Variants in GABRA2 observed in about 807,000 individuals in gnomAD.
The protein encoded by GABRA2 is gamma-aminobutyric acid receptor subunit alpha-2.
Under a neutral mutation model 48.7 loss-of-function variants are expected in GABRA2, and 16 were observed. The observed-to-expected ratio is 0.33, with a 90% CI of 0.22 to 0.50. GABRA2 has a LOEUF of 0.50. GABRA2 is among the 20% of genes least tolerant of loss of function. The probability of loss-of-function intolerance (pLI) is 0.98; values close to 1 mark genes in which losing one functional copy is unlikely to be tolerated. For missense variants in GABRA2, 275 were observed against 535.6 expected, an observed-to-expected ratio of 0.51 and a Z score of 4.80; for synonymous variants, 185 against 184.5, an observed-to-expected ratio of 1.00 and a Z score of -0.02.
At chr4:46,378,174 G>A (rs1716213924) in intron 3 of GABRA2, among the ~76,000 whole-genome samples, 2 of 152,072 alleles carry the variant, frequency 1.3e-5, no homozygotes, top group Non-Finnish European at 1.5e-5. Flanking sequence ...ACAGCTCATT[G>A]AGAACGGGCC....
intron 8 of GABRA2, among the ~76,000 whole-genome samples, chr4:46,283,637 G>A (rs1441134719): frequency 2.0e-5 from 3 of 152,206 alleles, no homozygotes; most frequent in African/African-American, 7.2e-5. Flanking sequence ...TATAAAAGAA[G>A]TAGCTAATGT....
chr4:46,290,761 G>T (rs1333933828), intron 8 of GABRA2, among the ~76,000 whole-genome samples: 1 of 152,114 alleles, frequency 6.6e-6, no homozygotes, highest in Non-Finnish European at 1.5e-5. Flanking sequence ...TGGGAGAGAA[G>T]TGACCTTTCA....
intron 6 of GABRA2, among the ~76,000 whole-genome samples, chr4:46,306,198 AAAGT>A (rs1357307303): frequency 3.3e-5 from 5 of 152,262 alleles, no homozygotes; most frequent in Admixed American, 3.3e-4. Context: ...ATTAGAATAA[AAAGT>A]AATTATTATA....
intron 3 of GABRA2, among the ~76,000 whole-genome samples, chr4:46,349,753 T>A (rs1055661042): frequency 1.6e-4 from 25 of 152,074 alleles, no homozygotes; most frequent in African/African-American, 5.8e-4. Flanking sequence ...TTGGTGATAG[T>A]ATCACTTTCT....
intron 5 of GABRA2, among the ~76,000 whole-genome samples, chr4:46,311,935 C>A (rs530434618): frequency 2.6e-5 from 4 of 152,074 alleles, no homozygotes; most frequent in East Asian, 1.9e-4. Context: ...ACCGTCTCTA[C>A]TAAAAATACA....
intron 4 of GABRA2, among the ~76,000 whole-genome samples, chr4:46,314,096 A>G (rs1728145186): frequency 6.6e-6 from 1 of 152,054 alleles, no homozygotes; most frequent in East Asian, 1.9e-4. Context: ...ACTATCATCT[A>G]GTTATCTTTT....
At chr4:46,342,615 G>T (rs1013703154) in intron 3 of GABRA2, among the ~76,000 whole-genome samples, 1 of 151,940 alleles carries the variant, frequency 6.6e-6, no homozygotes, top group African/African-American at 2.4e-5. Flanking sequence ...CGAGGCCCTT[G>T]TCACAGAAGC....
At chr4:46,317,974 G>A (rs279851) in intron 4 of GABRA2, among the ~76,000 whole-genome samples, 71,808 of 151,100 alleles carry the variant, frequency 0.48, 17,627 homozygotes, top group African/African-American at 0.59. Flanking sequence ...GACAAATACC[G>A]AAAGTTGATG....
chr4:46,256,397 AT>A (rs1715840924), intron 9 of GABRA2: 1 of 558,642 alleles, frequency 1.8e-6, no homozygotes, highest in African/African-American at 1.9e-5. Flanking sequence ...TCAATATGAA[AT>A]CCATTATTGC....
At chr4:46,385,589 T>C (rs1717338144) in intron 3 of GABRA2, among the ~76,000 whole-genome samples, 1 of 152,104 alleles carries the variant, frequency 6.6e-6, no homozygotes, top group South Asian at 2.1e-4. Flanking sequence ...TCTAGAAATA[T>C]CACATGCAAG....
chr4:46,332,082 A>C (rs1395977285), intron 4 of GABRA2, among the ~76,000 whole-genome samples: 2 of 152,156 alleles, frequency 1.3e-5, no homozygotes, highest in African/African-American at 4.8e-5. Flanking sequence ...GAGTACCAAC[A>C]TTCTAATTTT....
At chr4:46,390,212 C>CA (rs1328168992), upstream of GABRA2, 86 of 128,686 alleles carry the variant, frequency 6.7e-4, no homozygotes, top group South Asian at 7.0e-3. Flanking sequence ...TCCCCCCCCC[C>CA]CACACACACA....
chr4:46,376,443 G>A (rs982373119), intron 3 of GABRA2, among the ~76,000 whole-genome samples: 6 of 152,246 alleles, frequency 3.9e-5, no homozygotes, highest in African/African-American at 1.2e-4. Context: ...AGTGAGTGAG[G>A]CATGCTTGTG....
intron 3 of GABRA2, among the ~76,000 whole-genome samples, chr4:46,382,818 C>T (rs1226381791): frequency 1.3e-5 from 2 of 152,086 alleles, no homozygotes; most frequent in African/African-American, 2.4e-5. Context: ...TTTTCTAACT[C>T]ATAGTTCAAA....
At chr4:46,377,701 C>T (rs1236381075) in intron 3 of GABRA2, among the ~76,000 whole-genome samples, 12 of 141,632 alleles carry the variant, frequency 8.5e-5, no homozygotes, top group East Asian at 2.2e-4. Context: ...CCCCTCTGCC[C>T]GGCCAGCCTC....
At chr4:46,362,106 G>T (rs2109962434) in intron 3 of GABRA2, among the ~76,000 whole-genome samples, 1 of 152,204 alleles carries the variant, frequency 6.6e-6, no homozygotes, top group Non-Finnish European at 1.5e-5. Flanking sequence ...GGGGACTGTT[G>T]GGAAGGCATA....
intron 3 of GABRA2, among the ~76,000 whole-genome samples, chr4:46,341,801 G>T (rs935789845): frequency 1.4e-5 from 2 of 146,116 alleles, no homozygotes; most frequent in African/African-American, 4.9e-5. Context: ...GCCCCCTATT[G>T]TCATCTCAGT....
At chr4:46,371,166 A>G (rs1190564959) in intron 3 of GABRA2, among the ~76,000 whole-genome samples, 4 of 152,176 alleles carry the variant, frequency 2.6e-5, no homozygotes, top group African/African-American at 9.6e-5. Flanking sequence ...AGTCTGTAAA[A>G]TTAAAGTACA....
intron 4 of GABRA2, among the ~76,000 whole-genome samples, chr4:46,320,983 C>T (rs1284474852): frequency 1.3e-5 from 2 of 151,822 alleles, no homozygotes; most frequent in Non-Finnish European, 2.9e-5. Flanking sequence ...ATCTAAGTGT[C>T]CGTCAATGCA....
Sources: allele counts gnomAD v4.1 joint callset (sites outside exome capture counted in the v4.1 genomes callset), GRCh38; gene constraint gnomAD v4.1.1; transcripts MANE v1.5; gene names NCBI Gene and HGNC (gene_info 2026-07-23, HGNC 2026-07-21).